Variants in PCF11 observed in about 807,000 individuals in gnomAD.
The protein encoded by PCF11 is pre-mRNA cleavage complex 2 protein Pcf11.
A neutral mutation model predicts 166.1 loss-of-function variants in PCF11; 19 were observed. That is an observed-to-expected ratio of 0.11 (90% CI 0.08 to 0.17). PCF11 has a LOEUF of 0.17. Among genes scored for constraint, PCF11 ranks in the 10% least tolerant of loss-of-function variants. The pLI is 1.00. For missense variants in PCF11, 1,565 were observed against 1,855.5 expected (o/e 0.84, Z 2.88); for synonymous variants, 663 against 644.1 (o/e 1.03, Z -0.44).
At chr11:83,177,947 CTT>C (rs35271382) in intron 11 of PCF11, 128 bp downstream of exon 11, 1,535 of 299,004 alleles carry the variant, frequency 5.1e-3, no homozygotes, top group Non-Finnish European at 6.5e-3. Context: ...TTTAGGAAGT[CTT>C]TTTTTTTTTT....
chr11:83,160,321 G>GTTTTTTTTT (rs35201107), intron 1 of PCF11, among the ~76,000 whole-genome samples: 23 of 91,288 alleles, frequency 2.5e-4, no homozygotes, highest in East Asian at 7.2e-4. Flanking sequence ...GATAACCTAA[G>GTTTTTTTTT]TTTTTTTTTT....
exon 1 of PCF11, chr11:83,157,607 T>A: frequency 6.2e-7 from 1 of 1,614,006 alleles, no homozygotes; most frequent in Non-Finnish European, 8.5e-7. Context: ...AGATCGTCTC[T>A]CTCATCGAGG....
chr11:83,157,694 A>T (rs1348789720), intron 1 of PCF11, 63 bp downstream of exon 1: 3 of 1,443,982 alleles, frequency 2.1e-6, no homozygotes, highest in Non-Finnish European at 2.9e-6. Flanking sequence ...TGTCAGCCTC[A>T]TCCCAGGTCT....
intron 1 of PCF11, among the ~76,000 whole-genome samples, chr11:83,159,419 C>T (rs1389127663): frequency 3.9e-5 from 6 of 151,964 alleles, no homozygotes; most frequent in African/African-American, 1.2e-4. Flanking sequence ...TCCACAGCGC[C>T]TAATATTTAG....
chr11:83,168,408 AT>A lies in PCF11; in HGVS notation c.2093-13del, dbSNP rs748522490. The A allele has an allele frequency of 5.2e-6, 8 of 1,546,198 alleles. No homozygotes were observed. In the Admixed American group the frequency reaches 1.1e-4, roughly 21 times the overall value. On this transcript the variant is annotated intron_variant, in intron 7 of 15. Transcript: ENST00000298281. The stretch of plus-strand genomic sequence containing the variant: ...TTTTAAGATAACTTTAGTGAAAATA[AT>A]TTTTTTCCTTTTTAAAAGGTGTGCG...
intron 15 of PCF11, 60 bp downstream of exon 15, chr11:83,183,133 G>GTTT: frequency 1.9e-5 from 16 of 854,024 alleles, no homozygotes; most frequent in Admixed American, 1.3e-4. Context: ...TTACTTTTCA[G>GTTT]TTTTTTTTTT....
At chr11:83,168,390 ATAACT>A in intron 7 of PCF11, 33 bp from the exon 8 acceptor site, 5 of 1,501,256 alleles carry the variant, frequency 3.3e-6, no homozygotes, top group Non-Finnish European at 4.5e-6. Flanking sequence ...AGATTTTAAG[ATAACT>A]TTAGTGAAAA....
chr11:83,166,087 T>C (rs757151676), exon 5 of PCF11: 4 of 1,610,328 alleles, frequency 2.5e-6, no homozygotes, highest in Non-Finnish European at 3.4e-6. Context: ...TTGTCTGATA[T>C]GAACAAGAGA....
At chr11:83,171,772 T>G (rs759297080) in intron 8 of PCF11, 46 bp from the exon 9 acceptor site, 1 of 972,772 alleles carries the variant, frequency 1.0e-6, no homozygotes, top group African/African-American at 1.6e-5. Context: ...AAAGTTTTAC[T>G]TGAAATATAG....
chr11:83,158,847 T>G (rs1860112618), intron 1 of PCF11: 1 of 152,260 alleles, frequency 6.6e-6, no homozygotes, highest in African/African-American at 2.4e-5. Flanking sequence ...TGACTGGTAT[T>G]ATAAAATTTG....
At chr11:83,184,653 T>G (rs1438283387) in intron 15 of PCF11, 26 bp from the exon 16 acceptor site, 1 of 1,502,976 alleles carries the variant, frequency 6.7e-7, no homozygotes, top group Non-Finnish European at 9.2e-7. Context: ...CTTTCATCAG[T>G]ACTCATAGGG....
chr11:83,169,847 A>C (rs1311756663), exon 8 of PCF11: 1 of 1,613,690 alleles, frequency 6.2e-7, no homozygotes, highest in Non-Finnish European at 8.5e-7. Context: ...AATGGACCAC[A>C]TGGCCCTGGA....
At chr11:83,163,833 G>C in exon 3 of PCF11, 1 of 1,551,500 alleles carries the variant, frequency 6.4e-7, no homozygotes, top group South Asian at 1.2e-5. Flanking sequence ...AATACGTCTA[G>C]CATCCATGTG....
chr11:83,166,091 C>T (rs780580106), exon 5 of PCF11: 1 of 1,610,814 alleles, frequency 6.2e-7, no homozygotes, highest in Non-Finnish European at 8.5e-7. Flanking sequence ...CTGATATGAA[C>T]AAGAGAGATC....
chr11:83,184,868 G>C (rs1312382507), exon 16 of PCF11: 6 of 1,568,994 alleles, frequency 3.8e-6, no homozygotes, highest in African/African-American at 2.8e-5. Flanking sequence ...AATTAAAACA[G>C]AAAATGACAC....
chr11:83,169,694 C>T (rs1402627004), exon 8 of PCF11: 11 of 1,613,752 alleles, frequency 6.8e-6, no homozygotes, highest in Admixed American at 1.7e-5. Context: ...GACAATCATC[C>T]TTCACAAAGG....
chr11:83,176,607 G>GTTT lies in PCF11; in HGVS notation c.3758-476_3758-475insTTT, dbSNP rs555136641. On this transcript the variant is annotated intron_variant, in intron 9 of 15. Coordinates refer to ENST00000298281, the Ensembl canonical transcript of PCF11. ...AAGGGCAGAAAAACAAACACCGCAT[G>GTTT]TTCTCACTTGTAGGTAGGAATTGAA... is the stretch of plus-strand genomic sequence containing the variant. Among the ~76,000 whole-genome samples the GTTT allele has an allele frequency of 9.7e-3, 1,474 of 151,470 alleles. 9 individuals are homozygous for GTTT. The highest frequency in any genetic ancestry group is 0.015 in the Non-Finnish European group (999 of 67,934).
rs1306970259 is a variant in PCF11, at chr11:83,167,646, T to G, written c.2092+141T>G. The G allele has an allele frequency of 2.6e-6, 4 of 1,531,184 alleles. No homozygotes were observed. Among genetic ancestry groups the G allele is most frequent in the Non-Finnish European group, 3.5e-6 (4 of 1,142,850 alleles). The allele number at this position is 1,531,184 out of a possible 1,614,324, so 94.8% of individuals were successfully genotyped here. ...GAAAAGGACACAGGTTCAGCATTCA[T>G]TTCCAAGACTTGATCTCTTAGATCC... On this transcript the variant is annotated intron_variant, in intron 7 of 15. Transcript: ENST00000298281. This position sits in a 1 kb window ranked among gnomAD's most constrained non-coding sequence, Gnocchi z 4.2.
Position 83,167,508 on chromosome 11 carries a change from AAAC to A in PCF11, c.2092+5_2092+7del. 6.2e-7 allele frequency: 1 copy of A among 1,611,194 alleles called. No individual in the cohort carries two copies. Among genetic ancestry groups the A allele is most frequent in the Non-Finnish European group, 8.5e-7 (1 of 1,178,678 alleles). Reference sequence around the variant, plus strand: ...ACAGCTATTTCAGTATCAAGAAGGTAAACATAGATGCAATGTACGGGATAGTCC... The same window carrying A: ...ACAGCTATTTCAGTATCAAGAAGGTAATAGATGCAATGTACGGGATAGTCC... On this transcript the variant is annotated splice_donor_5th_base_variant and intron_variant, in intron 7 of 15. Transcript: ENST00000298281. The surrounding 1 kb of genome is among the most constrained non-coding windows in gnomAD (Gnocchi z 4.2).
Sources: allele counts gnomAD v4.1 joint callset (sites outside exome capture counted in the v4.1 genomes callset), GRCh38; gene constraint gnomAD v4.1.1; non-coding constraint Gnocchi (gnomAD v3.1); transcripts MANE v1.5; gene names NCBI Gene and HGNC (gene_info 2026-07-23, HGNC 2026-07-21).